CDC20B: variants seen among roughly 807,000 people sequenced by gnomAD.
The protein encoded by CDC20B is cell division cycle 20B.
In CDC20B, 58 loss-of-function variants were observed where a neutral mutation model predicts 64.1. The ratio of observed to expected loss-of-function variants is 0.90; its 90% CI spans 0.73 to 1.13. CDC20B has a LOEUF of 1.13. CDC20B is among the 50% of genes most tolerant of loss of function. The probability of loss-of-function intolerance (pLI) is 0.00; values close to 1 mark genes in which losing one functional copy is unlikely to be tolerated. For synonymous variants in CDC20B, 243 were observed against 230.6 expected (o/e 1.05, Z -0.49); for missense variants, 597 against 633.0 (o/e 0.94, Z 0.61).
intron 2 of CDC20B, among the ~76,000 whole-genome samples, chr5:55,151,619 C>T (rs949735275): frequency 3.3e-5 from 5 of 152,194 alleles, no homozygotes; most frequent in Admixed American, 2.0e-4. Context: ...AGAAGTTGCA[C>T]GTTAACAATA....
Position 55,146,739 on chromosome 5 carries a change from T to A in CDC20B, c.244A>T (p.Thr82Ser), listed in dbSNP as rs1289325057. 9.3e-6 allele frequency: 15 copies of A among 1,614,142 alleles called. No homozygotes were observed. Among genetic ancestry groups the A allele is most frequent in the Non-Finnish European group, 1.3e-5 (15 of 1,180,030 alleles). Residue 82 changes from threonine to serine, a missense_variant, in exon 3 of 12, where the codon ACT becomes TCT. Coordinates refer to ENST00000381375, the MANE Select transcript of CDC20B (RefSeq NM_001170402.1). The stretch of plus-strand genomic sequence containing the variant: ...AAGGAATCAGAGGACAGAGCCCTAG[T>A]TTGACTTTGCTGCCACCTTGTGGTA... ...PITTRWQQSQ[T>S]RALSSDSFGE...
At chr5:55,164,352 A>C in intron 2 of CDC20B, 1 of 479,388 alleles carries the variant, frequency 2.1e-6, no homozygotes, top group Non-Finnish European at 3.4e-6. Flanking sequence ...TTCTCAGCTC[A>C]TTGCAACCTC....
chr5:55,149,691 T>C (rs1743606574), intron 2 of CDC20B, among the ~76,000 whole-genome samples: 1 of 152,192 alleles, frequency 6.6e-6, no homozygotes, highest in Admixed American at 6.5e-5. Flanking sequence ...TTGGTCATTG[T>C]CAGGGATTAG....
chr5:55,169,895 C>T (rs528065757), intron 2 of CDC20B, among the ~76,000 whole-genome samples: 3 of 152,208 alleles, frequency 2.0e-5, no homozygotes, highest in Admixed American at 2.0e-4. Flanking sequence ...GGGTGGATCA[C>T]GAGGTCAGGA....
chr5:55,161,317 G>A (rs2111944522), intron 2 of CDC20B: 2 of 1,420,488 alleles, frequency 1.4e-6, no homozygotes, highest in East Asian at 2.3e-5. Flanking sequence ...AATTATACCA[G>A]GACAATACTT....
intron 2 of CDC20B, among the ~76,000 whole-genome samples, chr5:55,148,569 T>C (rs1239948053): frequency 6.6e-6 from 1 of 151,842 alleles, no homozygotes; most frequent in Non-Finnish European, 1.5e-5. Context: ...CAAGAATGAG[T>C]TGAGCGTGGT....
intron 3 of CDC20B, 64 bp downstream of exon 3, chr5:55,146,564 T>A: frequency 8.7e-7 from 1 of 1,148,684 alleles, no homozygotes; most frequent in Non-Finnish European, 1.3e-6. Context: ...AGACAAAGAT[T>A]CTCTCAGGAA....
In CDC20B at chr5:55,114,134, C is replaced by T; in HGVS notation, c.*84G>A. On this transcript the variant is annotated 3_prime_UTR_variant, in exon 12 of 12. Coordinates refer to ENST00000381375, the MANE Select transcript of CDC20B (RefSeq NM_001170402.1). This position sits in a 1 kb window ranked among gnomAD's most constrained non-coding sequence, Gnocchi z 4.1. ...AGAGTATTTCAACTTGTTTGATACTCATAAAAACCCCATGGAGAAGACATA... is the reference window on the plus strand; with the variant it reads ...AGAGTATTTCAACTTGTTTGATACTTATAAAAACCCCATGGAGAAGACATA... 3 of 1,516,168 alleles carry T rather than the reference C, an allele frequency of 2.0e-6. No individual in the cohort carries two copies. The highest frequency in any genetic ancestry group is 2.5e-5 in the East Asian group (1 of 40,378). The allele number at this position is 1,516,168 out of a possible 1,614,324, so 93.9% of individuals were successfully genotyped here. A position where few individuals can be genotyped will look rare whatever the true frequency, so the allele number is the denominator to read the frequency against.
At chr5:55,139,103 C>T (rs1293571978) in intron 5 of CDC20B, among the ~76,000 whole-genome samples, 1 of 150,872 alleles carries the variant, frequency 6.6e-6, no homozygotes, top group East Asian at 1.9e-4. Flanking sequence ...TCTTAGAACA[C>T]TGGTGATAAA....
chr5:55,127,227 C>G, intron 8 of CDC20B, 30 bp downstream of exon 8: 3 of 1,574,286 alleles, frequency 1.9e-6, no homozygotes, highest in Non-Finnish European at 2.6e-6. Context: ...TTAATACAAA[C>G]ATAACTGTCT....
In CDC20B at chr5:55,170,550, G is replaced by A. The variant is rs112310158; in HGVS notation, c.126+2038C>T. On this transcript the variant is annotated intron_variant, in intron 2 of 11. Transcript: ENST00000381375. ...TGTTCATTGTATATGCAATAAGACA[G>A]CAGTTGCATGTTAGCCGATGCCATT... is the stretch of plus-strand genomic sequence containing the variant. 2.6e-3 allele frequency: 1,394 copies of A among 534,764 alleles called. 19 individuals carry two copies. The highest frequency in any genetic ancestry group is 0.024 in the African/African-American group (1,247 of 52,068). The allele number at this position is 534,764 out of a possible 1,614,324, so 33.1% of individuals were successfully genotyped here.
rs369372041 is a variant in CDC20B, at chr5:55,160,401, G to A, written c.126+12187C>T. 2.5e-6 allele frequency: 4 copies of A among 1,602,682 alleles called. No homozygotes were observed. The African/African-American group carries it at 5.4e-5, about 21-fold the overall frequency. On this transcript the variant is annotated intron_variant, in intron 2 of 11. Transcript: ENST00000381375. ...CTGGAAAAGTATAAAGGCAAAGTAAGTTGCATCATCTGATTTTTATTGTTA... is the reference window on the plus strand; with the variant it reads ...CTGGAAAAGTATAAAGGCAAAGTAAATTGCATCATCTGATTTTTATTGTTA...
chr5:55,117,250 A>G (rs530499276), intron 11 of CDC20B, among the ~76,000 whole-genome samples: 45 of 152,158 alleles, frequency 3.0e-4, no homozygotes, highest in African/African-American at 1.1e-3. Flanking sequence ...CTTTAACTGA[A>G]ATTTTCCCCC....
intron 11 of CDC20B, among the ~76,000 whole-genome samples, chr5:55,118,694 G>C (rs1742682274): frequency 6.6e-6 from 1 of 152,118 alleles, no homozygotes; most frequent in South Asian, 2.1e-4. Flanking sequence ...TCCTACACTT[G>C]CACCTGATCA....
Position 55,173,053 on chromosome 5 carries a change from T to A in CDC20B, c.-53A>T. 6.6e-7 allele frequency: 1 copy of A among 1,519,600 alleles called. No individual in the cohort carries two copies. The highest frequency in any genetic ancestry group is 9.0e-7 in the Non-Finnish European group (1 of 1,108,552). 94.1% of individuals were successfully genotyped at this position (1,519,600 alleles called of 1,614,324 possible). A position where few individuals can be genotyped will look rare whatever the true frequency, so the allele number is the denominator to read the frequency against. On this transcript the variant is annotated 5_prime_UTR_variant, in exon 1 of 12. Coordinates refer to ENST00000381375, the MANE Select transcript of CDC20B (RefSeq NM_001170402.1). ...TTTGGCCTCTCTGCTCGACTGCCTC[T>A]GGTTTTCTTCCCAGGTCTAAGTCAG...
At position 55,173,033 on chromosome 5, in the gene CDC20B, CCT is replaced by C. The variant is rs1480263592; in HGVS notation, c.-35_-34del. 6.3e-7 allele frequency: 1 copy of C among 1,589,588 alleles called. No individual in the cohort carries two copies. The highest frequency in any genetic ancestry group is 8.6e-7 in the Non-Finnish European group (1 of 1,165,420). ...TGACTTCGCCCTGCCTGGCGTTTGG[CCT>C]CTCTGCTCGACTGCCTCTGGTTTTC... On this transcript the variant is annotated 5_prime_UTR_variant, in exon 1 of 12. Transcript: ENST00000381375.
At chr5:55,120,310 C>T in intron 10 of CDC20B, 115 bp downstream of exon 10, 2 of 1,187,638 alleles carry the variant, frequency 1.7e-6, no homozygotes, top group Non-Finnish European at 2.4e-6. Flanking sequence ...AACTCAAATT[C>T]CTTATGGACT....
intron 11 of CDC20B, among the ~76,000 whole-genome samples, chr5:55,116,212 T>C (rs1345403467): frequency 6.6e-6 from 1 of 152,196 alleles, no homozygotes; most frequent in East Asian, 1.9e-4. Flanking sequence ...ACCATATAAA[T>C]GAAAAGCAAC....
chr5:55,128,260 TAAA>T (rs372856760), intron 7 of CDC20B, among the ~76,000 whole-genome samples, 158 bp downstream of exon 7: 23 of 109,560 alleles, frequency 2.1e-4, no homozygotes, highest in South Asian at 2.6e-4. Context: ...AACCATTCAG[TAAA>T]AAAAAAAAAA....
Sources: gnomAD v4.1 joint callset for allele counts (sites outside exome capture counted in the v4.1 genomes callset) on GRCh38, gnomAD v4.1.1 for gene constraint, Gnocchi (gnomAD v3.1) non-coding constraint, MANE v1.5 for transcripts, NCBI Gene and HGNC (gene_info 2026-07-23, HGNC 2026-07-21) for gene names.